PXT1: variants seen among roughly 807,000 people sequenced by gnomAD.
The protein encoded by PXT1 is peroxisomal testis enriched protein 1, also known as peroxisomal testis-specific protein 1.
Under a neutral mutation model 11.0 loss-of-function variants are expected in PXT1, and 11 were observed. That is an observed-to-expected ratio of 1.00 (90% CI 0.63 to 1.66). The LOEUF (loss-of-function observed/expected upper bound fraction) is 1.66, where lower values mean the gene tolerates loss of function less well. Ranked by LOEUF, PXT1 falls within the 40% of genes most tolerant of loss-of-function variation. The pLI, the probability that PXT1 is intolerant of heterozygous loss-of-function variation, is 0.00. For missense variants in PXT1, 141 were observed against 155.5 expected, an observed-to-expected ratio of 0.91 and a Z score of 0.49; for synonymous variants, 43 against 51.4, an observed-to-expected ratio of 0.84 and a Z score of 0.70.
chr6:36,439,666 C>T, intron 1 of PXT1, among the ~76,000 whole-genome samples: 1 of 135,678 alleles, frequency 7.4e-6, no homozygotes, highest in African/African-American at 2.7e-5. Flanking sequence ...AAAAAAACAA[C>T]TAAGCATTCT....
intron 3 of PXT1, among the ~76,000 whole-genome samples, chr6:36,409,700 G>A (rs1313493391): frequency 6.6e-6 from 1 of 151,434 alleles, no homozygotes; most frequent in Non-Finnish European, 1.5e-5. Flanking sequence ...GGTGGTGTGT[G>A]CCTGTAGTCT....
At chr6:36,397,953 C>G (rs1774165513) in intron 4 of PXT1, among the ~76,000 whole-genome samples, 1 of 151,848 alleles carries the variant, frequency 6.6e-6, no homozygotes, top group African/African-American at 2.4e-5. Flanking sequence ...GAGTTCAAGG[C>G]TGTGTGAGCT....
intron 2 of PXT1, among the ~76,000 whole-genome samples, chr6:36,434,552 G>T (rs1375206690): frequency 6.6e-6 from 1 of 152,144 alleles, no homozygotes. Context: ...CAATCGTAAT[G>T]GAACATTAAT....
intron 3 of PXT1, among the ~76,000 whole-genome samples, chr6:36,400,847 G>A (rs980306275): frequency 2.0e-5 from 3 of 152,118 alleles, no homozygotes; most frequent in South Asian, 2.1e-4. Flanking sequence ...ACGGGTGCCT[G>A]TAATCCCTGC....
intron 3 of PXT1, among the ~76,000 whole-genome samples, chr6:36,425,152 GC>G (rs1774584455): frequency 6.6e-6 from 1 of 152,096 alleles, no homozygotes; most frequent in Non-Finnish European, 1.5e-5. Context: ...GCATTCTGGG[GC>G]ATTTAGGAAT....
At chr6:36,418,992 C>T (rs764626222) in intron 3 of PXT1, among the ~76,000 whole-genome samples, 4 of 152,194 alleles carry the variant, frequency 2.6e-5, no homozygotes, top group Non-Finnish European at 5.9e-5. Context: ...TTACGGCCTT[C>T]TGATCAAAAT....
At chr6:36,397,255 C>A (rs1193598351) in intron 4 of PXT1, among the ~76,000 whole-genome samples, 1 of 152,130 alleles carries the variant, frequency 6.6e-6, no homozygotes, top group Admixed American at 6.6e-5. Context: ...AACACCAAGA[C>A]AATTTATAGG....
chr6:36,418,057 G>C (rs1003639588), intron 3 of PXT1, among the ~76,000 whole-genome samples: 2 of 152,070 alleles, frequency 1.3e-5, no homozygotes, highest in Non-Finnish European at 2.9e-5. Context: ...TTAGCCGGGC[G>C]TGGTGGCGGG....
intron 3 of PXT1, among the ~76,000 whole-genome samples, chr6:36,405,439 C>T (rs182584780): frequency 1.3e-3 from 202 of 151,386 alleles, no homozygotes; most frequent in African/African-American, 4.8e-3. Flanking sequence ...AGTACAATGT[C>T]GCGATCTCAG....
intron 3 of PXT1, among the ~76,000 whole-genome samples, chr6:36,423,027 C>T (rs187415692): frequency 0.025 from 3,806 of 152,062 alleles, 68 homozygotes; most frequent in Non-Finnish European, 0.039. Context: ...ACCCTCAACT[C>T]TTCTAAGAAA....
At chr6:36,436,716 G>A (rs1561935549) in intron 2 of PXT1, among the ~76,000 whole-genome samples, 1 of 152,116 alleles carries the variant, frequency 6.6e-6, no homozygotes, top group Non-Finnish European at 1.5e-5. Flanking sequence ...TCAGAAGAGA[G>A]GTCAGGACTG....
At chr6:36,414,663 CA>C (rs1774423845) in intron 3 of PXT1, among the ~76,000 whole-genome samples, 1 of 152,128 alleles carries the variant, frequency 6.6e-6, no homozygotes, top group South Asian at 2.1e-4. Flanking sequence ...AAAGGAATTT[CA>C]AGGAAGTATT....
At chr6:36,410,290 A>G (rs1774353869) in intron 3 of PXT1, among the ~76,000 whole-genome samples, 1 of 152,194 alleles carries the variant, frequency 6.6e-6, no homozygotes, top group African/African-American at 2.4e-5. Flanking sequence ...GTCTCTACTA[A>G]AAATACAAAA....
intron 2 of PXT1, among the ~76,000 whole-genome samples, chr6:36,433,368 CA>C (rs888732250): frequency 1.3e-5 from 2 of 151,798 alleles, no homozygotes; most frequent in African/African-American, 4.8e-5. Context: ...AAGATAAAGA[CA>C]AAAAAAGTGC....
intron 2 of PXT1, among the ~76,000 whole-genome samples, chr6:36,438,117 GC>G (rs1336966069): frequency 5.3e-5 from 8 of 152,116 alleles, no homozygotes; most frequent in African/African-American, 1.9e-4. Context: ...ACCGAGCCCG[GC>G]CTATTAATGC....
intron 2 of PXT1, among the ~76,000 whole-genome samples, chr6:36,437,060 C>T (rs151316550): frequency 1.3e-5 from 2 of 151,990 alleles, no homozygotes; most frequent in African/African-American, 4.8e-5. Flanking sequence ...CTGAGGTGGG[C>T]GGATCACTTG....
chr6:36,400,631 T>C, intron 3 of PXT1, 47 bp from the exon 4 acceptor site: 1 of 1,566,376 alleles, frequency 6.4e-7, no homozygotes, highest in Middle Eastern at 1.7e-4. Flanking sequence ...CACTTAATTA[T>C]CTGTAAAATC....
chr6:36,417,843 TAGAACAC>T, intron 3 of PXT1, among the ~76,000 whole-genome samples: 1 of 151,922 alleles, frequency 6.6e-6, no homozygotes, highest in Non-Finnish European at 1.5e-5. Context: ...GCACATTATT[TAGAACAC>T]TGGTTTGGTT....
intron 3 of PXT1, among the ~76,000 whole-genome samples, chr6:36,408,271 T>C (rs1275724391): frequency 6.6e-6 from 1 of 151,340 alleles, no homozygotes; most frequent in East Asian, 1.9e-4. Flanking sequence ...CTTTTTTTTT[T>C]TTTTTTAATA....
Sources: gnomAD v4.1 joint callset for allele counts (sites outside exome capture counted in the v4.1 genomes callset) on GRCh38, gnomAD v4.1.1 for gene constraint, MANE v1.5 for transcripts, NCBI Gene and HGNC (gene_info 2026-07-23, HGNC 2026-07-21) for gene names.